The following CFAP44 variants were observed in gnomAD, a reference collection of about 807,000 sequenced individuals.
The protein encoded by CFAP44 is cilia and flagella associated protein 44, also known as cilia- and flagella-associated protein 44.
CFAP44 carries 134 observed loss-of-function variants against 216.2 expected under a neutral mutation model. That is an observed-to-expected ratio of 0.62 (90% CI 0.54 to 0.72). The LOEUF is 0.72. CFAP44 is among the 30% of genes least tolerant of loss of function. The probability of loss-of-function intolerance (pLI) is 0.00; values close to 1 mark genes in which losing one functional copy is unlikely to be tolerated. For synonymous variants in CFAP44, 700 were observed against 727.6 expected (o/e 0.96, Z 0.61); for missense variants, 2,035 against 2,182.1 (o/e 0.93, Z 1.34).
rs150746112 is a variant in CFAP44, at chr3:113,346,597, T to C, written c.3066-1885A>G. ...CACTCTGGGTCTAGCTACAGGATTG[T>C]AAATGCACCAATCAACACTCTGTAA... On this transcript the variant is annotated intron_variant, in intron 22 of 34. Transcript: ENST00000393845. 5.5e-4 allele frequency among the ~76,000 whole-genome samples: 83 copies of C among 151,608 alleles called. No homozygotes were observed. The East Asian group carries it at 0.016, about 29-fold the overall frequency.
At position 113,351,229 on chromosome 3, in the gene CFAP44, T is replaced by TA. The variant is rs1053570870; in HGVS notation, c.3066-6518dup. On this transcript the variant is annotated intron_variant, in intron 22 of 34. Coordinates refer to ENST00000393845, the MANE Select transcript of CFAP44 (RefSeq NM_001164496.2). ...CAAAGAATAACTGAAATCCCAAACT[T>TA]ACAAGGTTTTCAACAAAAGTAAAGT... 7.2e-5 allele frequency among the ~76,000 whole-genome samples: 11 copies of TA among 152,194 alleles called. 1 individual carries two copies. The highest frequency in any genetic ancestry group is 7.2e-4 in the Admixed American group (11 of 15,278).
chr3:113,287,747 T>C lies in CFAP44; in HGVS notation c.*3810A>G, dbSNP rs962279332. On this transcript the variant is annotated 3_prime_UTR_variant, in exon 35 of 35. Transcript: ENST00000393845. ...GACTTGAGATGAAGTTTAGGTCATA[T>C]TGAAGAAATAGAACTAATCTTTTTT... is the stretch of plus-strand genomic sequence containing the variant. 2.0e-5 allele frequency: 3 copies of C among 152,260 alleles called. No homozygotes were observed. Among genetic ancestry groups the C allele is most frequent in the East Asian group, 1.9e-4 (1 of 5,210 alleles). 9.4% of individuals were successfully genotyped at this position (152,260 alleles called of 1,614,324 possible). A position where few individuals can be genotyped will look rare whatever the true frequency, so the allele number is the denominator to read the frequency against.
chr3:113,295,005 G>T (rs544388667), intron 33 of CFAP44, among the ~76,000 whole-genome samples, 184 bp from the exon 34 acceptor site: 1 of 151,050 alleles, frequency 6.6e-6, no homozygotes, highest in Non-Finnish European at 1.5e-5. Flanking sequence ...TTAAAGATAA[G>T]AATATAAGTA....
At chr3:113,386,237 C>A (rs978316150) in intron 15 of CFAP44, among the ~76,000 whole-genome samples, 7 of 152,084 alleles carry the variant, frequency 4.6e-5, no homozygotes, top group African/African-American at 1.7e-4. Context: ...TGTTTGGTTA[C>A]CATTTGCATG....
At chr3:113,351,370 C>A (rs1950443320) in intron 22 of CFAP44, among the ~76,000 whole-genome samples, 1 of 152,178 alleles carries the variant, frequency 6.6e-6, no homozygotes, top group Non-Finnish European at 1.5e-5. Context: ...ACAACTAATA[C>A]CCCTAATTAT....
At chr3:113,363,793 T>C (rs192731659) in intron 19 of CFAP44, among the ~76,000 whole-genome samples, 42 of 152,234 alleles carry the variant, frequency 2.8e-4, no homozygotes, top group Non-Finnish European at 5.0e-4. Flanking sequence ...AATGTTAATA[T>C]CCCCATAATT....
intron 24 of CFAP44, among the ~76,000 whole-genome samples, chr3:113,340,699 G>T (rs1338274129): frequency 1.3e-5 from 2 of 152,192 alleles, no homozygotes; most frequent in Admixed American, 6.5e-5. Flanking sequence ...CCCAATGGGC[G>T]TGTCTTACAG....
At chr3:113,423,890 C>T (rs757153226) in intron 4 of CFAP44, among the ~76,000 whole-genome samples, 8 of 152,160 alleles carry the variant, frequency 5.3e-5, no homozygotes, top group Admixed American at 1.3e-4. Flanking sequence ...ATACAGAAAA[C>T]GAAAGTGAGG....
At chr3:113,318,603 C>T (rs752166997) in intron 28 of CFAP44, among the ~76,000 whole-genome samples, 1 of 152,064 alleles carries the variant, frequency 6.6e-6, no homozygotes, top group Non-Finnish European at 1.5e-5. Context: ...TACAAGATGA[C>T]CACCCCAAGG....
chr3:113,342,060 T>A, intron 23 of CFAP44, 142 bp from the exon 24 acceptor site: 1 of 1,052,570 alleles, frequency 9.5e-7, no homozygotes, highest in Non-Finnish European at 1.3e-6. Flanking sequence ...GCACTAGTTG[T>A]GGTGGCTCTT....
chr3:113,417,849 T>C (rs1174775518), intron 5 of CFAP44, among the ~76,000 whole-genome samples: 2 of 152,182 alleles, frequency 1.3e-5, no homozygotes, highest in Non-Finnish European at 2.9e-5. Context: ...GTGGGGGACA[T>C]GGATTAAGAC....
At position 113,373,428 on chromosome 3, in the gene CFAP44, G is replaced by A. The variant is rs779401967; in HGVS notation, c.2427C>T (p.Ile809=). 1.0e-5 allele frequency: 16 copies of A among 1,580,506 alleles called. No homozygotes were observed. The East Asian group carries it at 3.2e-4, about 32-fold the overall frequency. Residue 809 remains isoleucine, a synonymous_variant, in exon 18 of 35, where the codon ATC becomes ATT. Transcript: ENST00000393845. ...CTGCTCACTTGAAAGTGATAGTTTG[G>A]ATGGGATTGTCCTCTGTATCCGCAA... ...RYLADTEDNP[I]QTITFNINKV...
chr3:113,338,603 A>C (rs1950302842), intron 24 of CFAP44, among the ~76,000 whole-genome samples: 1 of 152,062 alleles, frequency 6.6e-6, no homozygotes, highest in Non-Finnish European at 1.5e-5. Flanking sequence ...ACTGCTTCTC[A>C]GTGTCTGTCA....
chr3:113,402,790 C>T (rs1308194441), intron 9 of CFAP44, among the ~76,000 whole-genome samples: 4 of 152,154 alleles, frequency 2.6e-5, no homozygotes, highest in Admixed American at 2.0e-4. Flanking sequence ...TGAAGGGATC[C>T]TCTGTGAAAT....
At chr3:113,294,657 C>T (rs759385400) in intron 34 of CFAP44, 30 bp downstream of exon 34, 64 of 1,487,186 alleles carry the variant, frequency 4.3e-5, no homozygotes, top group African/African-American at 4.1e-4. Context: ...TCCTCAATTC[C>T]GAAAAAGGGT....
At chr3:113,361,654 C>A (rs1206548165) in intron 21 of CFAP44, among the ~76,000 whole-genome samples, 1 of 151,600 alleles carries the variant, frequency 6.6e-6, no homozygotes, top group Admixed American at 6.6e-5. Context: ...CACCACCACA[C>A]CTGGCTAATT....
Position 113,289,667 on chromosome 3 carries a change from C to T in CFAP44, c.*1890G>A, listed in dbSNP as rs149336889. 1 of 152,364 alleles carries T rather than the reference C, an allele frequency of 6.6e-6. No individual in the cohort carries two copies. The highest frequency in any genetic ancestry group is 1.9e-4 in the East Asian group (1 of 5,182). 9.4% of individuals were successfully genotyped at this position (152,364 alleles called of 1,614,324 possible). On this transcript the variant is annotated 3_prime_UTR_variant, in exon 35 of 35. Coordinates refer to ENST00000393845, the MANE Select transcript of CFAP44 (RefSeq NM_001164496.2). ...GCATTCACACCCTGTTCAGTCCCCT[C>T]CCACATCACACAGGGTCAGCCTGTG...
chr3:113,441,294 T>C (rs1368797116), intron 1 of CFAP44, among the ~76,000 whole-genome samples, 159 bp downstream of exon 1: 1 of 152,238 alleles, frequency 6.6e-6, no homozygotes, highest in Non-Finnish European at 1.5e-5. Flanking sequence ...AGCCTGAGAA[T>C]ACTCGTGGCT....
chr3:113,308,792 G>C (rs1950011294), intron 28 of CFAP44, among the ~76,000 whole-genome samples: 1 of 152,048 alleles, frequency 6.6e-6, no homozygotes, highest in African/African-American at 2.4e-5. Flanking sequence ...GTTTTGTAGA[G>C]ACAGGGTTTC....
Sources: allele counts gnomAD v4.1 joint callset (sites outside exome capture counted in the v4.1 genomes callset), GRCh38; gene constraint gnomAD v4.1.1; transcripts MANE v1.5; gene names NCBI Gene and HGNC (gene_info 2026-07-23, HGNC 2026-07-21).